LRRC3B: variants seen among roughly 807,000 people sequenced by gnomAD.
LRRC3B encodes leucine-rich repeat-containing protein 3B.
In LRRC3B, 2 loss-of-function variants were observed where a neutral mutation model predicts 12.8. The ratio of observed to expected loss-of-function variants is 0.16; its 90% confidence interval spans 0.06 to 0.49. The LOEUF (loss-of-function observed/expected upper bound fraction) is 0.49. Ranked by LOEUF, LRRC3B falls within the 20% of genes least tolerant of loss-of-function variation. The pLI, the probability that LRRC3B is intolerant of heterozygous loss-of-function variation, is 0.96. For missense variants in LRRC3B, 189 were observed against 319.4 expected (o/e 0.59, Z 3.11); for synonymous variants, 132 against 122.0 (o/e 1.08, Z -0.54).
chr3:26,692,606 C>G (rs183973039), intron 1 of LRRC3B, among the ~76,000 whole-genome samples: 60 of 152,126 alleles, frequency 3.9e-4, no homozygotes, highest in Non-Finnish European at 5.6e-4. Flanking sequence ...AATGAGGTTT[C>G]TATTATACTT....
intron 1 of LRRC3B, among the ~76,000 whole-genome samples, chr3:26,646,597 GTA>G (rs1559353756): frequency 6.4e-5 from 3 of 46,902 alleles, no homozygotes; most frequent in Admixed American, 6.9e-4. Context: ...AGGATAGGAG[GTA>G]AAAAAAAAAA....
chr3:26,633,213 A>T (rs1331603249), intron 1 of LRRC3B, among the ~76,000 whole-genome samples: 3 of 151,546 alleles, frequency 2.0e-5, no homozygotes, highest in Non-Finnish European at 4.4e-5. Context: ...TCATCCACCT[A>T]CCCATCCACC....
chr3:26,635,328 A>G (rs1698843175), intron 1 of LRRC3B, among the ~76,000 whole-genome samples: 2 of 152,192 alleles, frequency 1.3e-5, no homozygotes, highest in Admixed American at 6.5e-5. Context: ...TAGATGAAAT[A>G]CCACATTTGC....
chr3:26,706,047 C>T (rs189448887), intron 1 of LRRC3B, among the ~76,000 whole-genome samples: 368 of 152,286 alleles, frequency 2.4e-3, no homozygotes, highest in African/African-American at 8.4e-3. Context: ...GCCTGCAAAG[C>T]TCAACATCAA....
intron 1 of LRRC3B, among the ~76,000 whole-genome samples, chr3:26,676,836 C>G (rs1249840023): frequency 6.6e-6 from 1 of 152,192 alleles, no homozygotes; most frequent in Non-Finnish European, 1.5e-5. Context: ...TTGGAACCAA[C>G]CCAAATGTCA....
rs1403396944 is a variant in LRRC3B, at chr3:26,671,371, TATAGAGAGAGAG to T, written c.-160-38140_-160-38129del. On this transcript the variant is annotated intron_variant, in intron 1 of 1. Transcript: ENST00000396641. The stretch of plus-strand genomic sequence containing the variant: ...GTGTGTATATATATATATATATATA[TATAGAGAGAGAG>T]AGAGAGAGAGAGAGAGAGAGAGAGA... 3.1e-4 allele frequency among the ~76,000 whole-genome samples: 11 copies of T among 35,958 alleles called. 1 individual carries two copies. Among genetic ancestry groups the T allele is most frequent in the African/African-American group, 7.6e-4 (6 of 7,904 alleles). The allele number at this position is 35,958 out of a possible 152,430, so 23.6% of individuals were successfully genotyped here.
At chr3:26,653,460 C>T (rs1699307160) in intron 1 of LRRC3B, among the ~76,000 whole-genome samples, 1 of 152,032 alleles carries the variant, frequency 6.6e-6, no homozygotes, top group Non-Finnish European at 1.5e-5. Flanking sequence ...ATTGATCTGT[C>T]ATTAATAATG....
intron 1 of LRRC3B, among the ~76,000 whole-genome samples, chr3:26,679,692 C>T (rs1010693573): frequency 4.6e-5 from 7 of 152,150 alleles, no homozygotes; most frequent in Admixed American, 2.0e-4. Flanking sequence ...GACATTACAT[C>T]ATTTATTTGG....
At chr3:26,660,225 G>A (rs770194921) in intron 1 of LRRC3B, among the ~76,000 whole-genome samples, 2 of 152,168 alleles carry the variant, frequency 1.3e-5, no homozygotes, top group Non-Finnish European at 2.9e-5. Context: ...GATGCAGGTA[G>A]TAGAGTTGCC....
intron 1 of LRRC3B, among the ~76,000 whole-genome samples, chr3:26,663,587 A>G (rs115658919): frequency 0.032 from 4,866 of 152,242 alleles, 122 homozygotes; most frequent in South Asian, 0.049. Flanking sequence ...TTCAGCACTG[A>G]TAAAGCTTTC....
chr3:26,707,374 A>AAAAT (rs1700624253), intron 1 of LRRC3B, among the ~76,000 whole-genome samples: 4 of 152,072 alleles, frequency 2.6e-5, no homozygotes, highest in Admixed American at 6.5e-5. Context: ...TCAAAAAATA[A>AAAAT]AAATAAAATA....
At chr3:26,686,431 G>A (rs1700090861) in intron 1 of LRRC3B, among the ~76,000 whole-genome samples, 1 of 152,088 alleles carries the variant, frequency 6.6e-6, no homozygotes, top group Non-Finnish European at 1.5e-5. Context: ...CTTCAACACT[G>A]CTTCTTTATA....
chr3:26,685,511 CTCTCTCTCTCTCTATATATATATATA>C (rs1245449999), intron 1 of LRRC3B, among the ~76,000 whole-genome samples: 21 of 52,108 alleles, frequency 4.0e-4, no homozygotes, highest in African/African-American at 1.3e-3. Flanking sequence ...CTCTCTCTCT[CTCTCTCTCTCTCTATATATATATATA>C]TATATATATA....
At chr3:26,652,155 C>T (rs1159351530) in intron 1 of LRRC3B, among the ~76,000 whole-genome samples, 2 of 152,176 alleles carry the variant, frequency 1.3e-5, no homozygotes, top group Non-Finnish European at 2.9e-5. Flanking sequence ...GAAGAAAAGT[C>T]AGAGGGTTTT....
chr3:26,705,096 A>G (rs1700552676), intron 1 of LRRC3B, among the ~76,000 whole-genome samples: 1 of 152,110 alleles, frequency 6.6e-6, no homozygotes, highest in Non-Finnish European at 1.5e-5. Context: ...TAATGATGAA[A>G]AGAAAGAAAT....
intron 1 of LRRC3B, chr3:26,694,425 T>A (rs927366890): frequency 2.6e-5 from 4 of 152,098 alleles, no homozygotes; most frequent in African/African-American, 7.2e-5. Flanking sequence ...TTCATAATAT[T>A]CATTTGTAGA....
chr3:26,707,474 T>C (rs150660378), intron 1 of LRRC3B, among the ~76,000 whole-genome samples: 111 of 152,346 alleles, frequency 7.3e-4, no homozygotes, highest in African/African-American at 2.2e-3. Context: ...GAAACAAGCC[T>C]CTGCTGTCAT....
intron 1 of LRRC3B, among the ~76,000 whole-genome samples, chr3:26,691,360 G>C (rs754804226): frequency 2.6e-5 from 4 of 151,762 alleles, no homozygotes; most frequent in Non-Finnish European, 5.9e-5. Flanking sequence ...ATGGACAGTG[G>C]TTCTGGAAAA....
At chr3:26,676,070 T>C (rs902109564) in intron 1 of LRRC3B, among the ~76,000 whole-genome samples, 1 of 151,992 alleles carries the variant, frequency 6.6e-6, no homozygotes, top group Non-Finnish European at 1.5e-5. Flanking sequence ...AATTTGGGCC[T>C]GTTTTTTCTT....
Sources: gnomAD v4.1 joint callset for allele counts (sites outside exome capture counted in the v4.1 genomes callset) on GRCh38, gnomAD v4.1.1 for gene constraint, MANE v1.5 for transcripts, NCBI Gene and HGNC (gene_info 2026-07-23, HGNC 2026-07-21) for gene names.